The following TJP1 variants were observed in gnomAD, a reference collection of about 807,000 sequenced individuals.
The protein encoded by TJP1 is tight junction protein 1.
A neutral mutation model predicts 194.2 loss-of-function variants in TJP1; 43 were observed. That is an observed-to-expected ratio of 0.22 (90% CI 0.17 to 0.29). TJP1 has a LOEUF of 0.29. TJP1 is among the 10% of genes least tolerant of loss of function. The pLI is 1.00. For missense variants in TJP1, 1,971 were observed against 2,185.7 expected (o/e 0.90, Z 1.96); for synonymous variants, 801 against 779.0 (o/e 1.03, Z -0.47).
At chr15:29,758,269 G>A (rs989553671) in intron 8 of TJP1, among the ~76,000 whole-genome samples, 4 of 151,990 alleles carry the variant, frequency 2.6e-5, no homozygotes, top group Admixed American at 6.6e-5. Flanking sequence ...CAGGTTGTTC[G>A]AGGGTCAAAT....
intron 2 of TJP1, among the ~76,000 whole-genome samples, chr15:29,892,789 G>T (rs1410138578): frequency 6.6e-6 from 1 of 152,148 alleles, no homozygotes; most frequent in Non-Finnish European, 1.5e-5. Context: ...ACTGCTCATT[G>T]GCAATGCACC....
chr15:29,948,766 A>G (rs547582090), intron 2 of TJP1, among the ~76,000 whole-genome samples: 2 of 152,136 alleles, frequency 1.3e-5, no homozygotes, highest in East Asian at 1.9e-4. Flanking sequence ...ATATAACTTA[A>G]TATCTTTATT....
intron 4 of TJP1, among the ~76,000 whole-genome samples, chr15:29,771,218 C>T (rs902792215): frequency 6.6e-6 from 1 of 152,160 alleles, no homozygotes; most frequent in African/African-American, 2.4e-5. Context: ...GTGTGAACAT[C>T]ACAGAACGTT....
chr15:29,724,631 G>T (rs1595638601), intron 18 of TJP1, among the ~76,000 whole-genome samples: 1 of 152,288 alleles, frequency 6.6e-6, no homozygotes, highest in East Asian at 1.9e-4. Context: ...TTGTAAAAAG[G>T]AACTCTTTCT....
At chr15:29,949,658 ACCT>A (rs1182611403) in intron 2 of TJP1, among the ~76,000 whole-genome samples, 21 of 104,810 alleles carry the variant, frequency 2.0e-4, no homozygotes, top group Admixed American at 4.6e-4. Flanking sequence ...CACCACCTCC[ACCT>A]CCACAACCAC....
At chr15:29,723,391 C>G (rs146096407) in intron 18 of TJP1, among the ~76,000 whole-genome samples, 27 of 152,300 alleles carry the variant, frequency 1.8e-4, no homozygotes, top group East Asian at 1.4e-3. Flanking sequence ...AGTACTCCCC[C>G]CTTCTCTCTC....
intron 2 of TJP1, among the ~76,000 whole-genome samples, chr15:29,919,379 A>AT (rs766596245): frequency 6.6e-6 from 1 of 152,182 alleles, no homozygotes; most frequent in Non-Finnish European, 1.5e-5. Context: ...TTTCTGATTG[A>AT]TTCATGCAGT....
chr15:29,722,377 G>A (rs753111887), intron 18 of TJP1, among the ~76,000 whole-genome samples: 2 of 152,204 alleles, frequency 1.3e-5, no homozygotes, highest in Non-Finnish European at 2.9e-5. Flanking sequence ...TGGCCAAAAT[G>A]GGCCAAGTTA....
Position 29,814,409 on chromosome 15 carries a change from G to C in TJP1, c.27+7593C>G, listed in dbSNP as rs553262209. ...CAAACAAAATGTACTCATTTAATAT[G>C]TGTTAAGCTAACAAAAAGAATTAGT... is the stretch of plus-strand genomic sequence containing the variant. On this transcript the variant is annotated intron_variant, in intron 1 of 27. Transcript: ENST00000614355. Among the ~76,000 whole-genome samples the C allele has an allele frequency of 7.9e-5, 12 of 152,224 alleles. No individual in the cohort carries two copies. The South Asian group carries it at 8.3e-4, about 11-fold the overall frequency.
intron 2 of TJP1, among the ~76,000 whole-genome samples, chr15:29,953,689 G>A (rs2055839998): frequency 6.6e-6 from 1 of 152,090 alleles, no homozygotes; most frequent in Non-Finnish European, 1.5e-5. Context: ...AACATGCAGA[G>A]TAAGATACAG....
intron 19 of TJP1, 36 bp downstream of exon 19, chr15:29,720,322 C>T (rs1325619918): frequency 3.5e-5 from 52 of 1,479,964 alleles, no homozygotes; most frequent in Admixed American, 1.6e-4. Context: ...TAATAATGCA[C>T]CTCTATCTAC....
chr15:29,857,979 T>C (rs139829502), intron 2 of TJP1, among the ~76,000 whole-genome samples: 8,432 of 152,126 alleles, frequency 0.055, 340 homozygotes, highest in South Asian at 0.16. Context: ...GCCAGGCTGG[T>C]CTCGAACTCC....
chr15:29,834,312 C>T (rs2050952794), intron 2 of TJP1, among the ~76,000 whole-genome samples: 1 of 151,784 alleles, frequency 6.6e-6, no homozygotes, highest in South Asian at 2.1e-4. Context: ...TCCTCCACCT[C>T]CCAGGTTCAA....
At chr15:29,825,685 G>C (rs1037581490), upstream of TJP1, among the ~76,000 whole-genome samples, 2 of 152,188 alleles carry the variant, frequency 1.3e-5, no homozygotes, top group African/African-American at 4.8e-5. Flanking sequence ...GCTTGACAAA[G>C]AGGAAGTATT....
intron 4 of TJP1, 119 bp from the exon 5 acceptor site, chr15:29,766,661 A>G: frequency 1.0e-6 from 1 of 990,888 alleles, no homozygotes; most frequent in Non-Finnish European, 1.4e-6. Context: ...AGCAAGAAAC[A>G]ATACACAAAC....
At chr15:29,923,116 T>G (rs868516133) in intron 2 of TJP1, among the ~76,000 whole-genome samples, 1 of 152,190 alleles carries the variant, frequency 6.6e-6, no homozygotes, top group South Asian at 2.1e-4. Flanking sequence ...TGGCACTCTG[T>G]GTCAAAATGT....
rs187751221 is a variant in TJP1, at chr15:29,746,623, T to C, written c.1011-3842A>G. Among the ~76,000 whole-genome samples, 26 of 152,112 alleles carry C rather than the reference T, an allele frequency of 1.7e-4. No homozygotes were observed. The East Asian group carries it at 2.5e-3, about 15-fold the overall frequency. On this transcript the variant is annotated intron_variant, in intron 8 of 27. Transcript: ENST00000614355. ...AGGAATTTTACAGTTATCTCTACTA[T>C]TTCAACTTTTACAAAAATTTACTTA...
intron 2 of TJP1, among the ~76,000 whole-genome samples, chr15:29,781,596 A>G (rs1341500140): frequency 6.6e-6 from 1 of 152,242 alleles, no homozygotes; most frequent in South Asian, 2.1e-4. Context: ...ATCCAGCAGC[A>G]TATTAAAAAG....
rs2041512962 is a variant in TJP1, at chr15:29,701,077, TCCCCCAGTTG to T, written c.*508_*517del. ...GTAAGTCATTGTCTTCACTTCACCC[TCCCCCAGTTG>T]TAAATCTCCTTGCTGTACATTTCTG... On this transcript the variant is annotated 3_prime_UTR_variant, in exon 28 of 28. Coordinates refer to ENST00000614355, the MANE Select transcript of TJP1 (RefSeq NM_001330239.4). 6.5e-6 allele frequency: 1 copy of T among 153,574 alleles called. No homozygotes were observed. The highest frequency in any genetic ancestry group is 1.5e-5 in the Non-Finnish European group (1 of 68,682). The allele number at this position is 153,574 out of a possible 1,614,324, so 9.5% of individuals were successfully genotyped here. A position where few individuals can be genotyped will look rare whatever the true frequency, so the allele number is the denominator to read the frequency against.
Sources: allele counts gnomAD v4.1 joint callset (sites outside exome capture counted in the v4.1 genomes callset), GRCh38; gene constraint gnomAD v4.1.1; transcripts MANE v1.5; gene names NCBI Gene and HGNC (gene_info 2026-07-23, HGNC 2026-07-21).